The following KCNK17 variants were observed in gnomAD, a reference collection of about 807,000 sequenced individuals.
KCNK17 encodes potassium channel subfamily K member 17.
Under a neutral mutation model 24.6 loss-of-function variants are expected in KCNK17, and 27 were observed. The ratio of observed to expected loss-of-function variants is 1.10; its 90% CI spans 0.81 to 1.51. KCNK17 has a LOEUF of 1.51. KCNK17 is among the 40% of genes most tolerant of loss of function. The probability of loss-of-function intolerance (pLI) is 0.00; values close to 1 mark genes in which losing one functional copy is unlikely to be tolerated. For synonymous variants in KCNK17, 181 were observed against 189.8 expected (o/e 0.95, Z 0.38); for missense variants, 450 against 436.6 (o/e 1.03, Z -0.27).
At chr6:39,306,768 T>G (rs1045452568) in intron 2 of KCNK17, among the ~76,000 whole-genome samples, 1 of 75,598 alleles carries the variant, frequency 1.3e-5, no homozygotes, top group African/African-American at 1.0e-4. Context: ...CTTTCTTTGT[T>G]TTTTTTTTTT....
chr6:39,310,581 G>A (rs1762115961), intron 2 of KCNK17, among the ~76,000 whole-genome samples: 1 of 152,118 alleles, frequency 6.6e-6, no homozygotes, highest in African/African-American at 2.4e-5. Flanking sequence ...CCAGAGACAT[G>A]TTTCTTGCTG....
chr6:39,299,282 T>A lies in KCNK17; in HGVS notation c.*145A>T, dbSNP rs1761901183. 1 of 644,902 alleles carries A rather than the reference T, an allele frequency of 1.6e-6. No homozygotes were observed. Among genetic ancestry groups the A allele is most frequent in the Non-Finnish European group, 2.7e-6 (1 of 374,696 alleles). The allele number at this position is 644,902 out of a possible 1,614,324, so 39.9% of individuals were successfully genotyped here. ...ATGTCACCCAGGACATGTCTCTGTATACCCTATTGGGCAGAATTAATCATA... is the reference window on the plus strand; with the variant it reads ...ATGTCACCCAGGACATGTCTCTGTAAACCCTATTGGGCAGAATTAATCATA... On this transcript the variant is annotated 3_prime_UTR_variant, in exon 5 of 5. Transcript: ENST00000373231.
At chr6:39,303,912 A>T (rs200551328) in intron 4 of KCNK17, 45 bp downstream of exon 4, 82 of 1,593,736 alleles carry the variant, frequency 5.1e-5, no homozygotes, top group Non-Finnish European at 6.3e-5. Context: ...TGAGAGGTAT[A>T]GGCAGCCGAA....
intron 4 of KCNK17, chr6:39,300,560 T>A (rs1295478191): frequency 6.5e-7 from 1 of 1,544,886 alleles, no homozygotes; most frequent in Non-Finnish European, 8.8e-7. Context: ...AATGGAACCA[T>A]AAGAATATGT....
At chr6:39,311,061 T>C (rs1762126558) in intron 1 of KCNK17, 54 bp from the exon 2 acceptor site, 3 of 897,076 alleles carry the variant, frequency 3.3e-6, no homozygotes, top group Non-Finnish European at 5.4e-6. Context: ...GGATTTCCTG[T>C]ACCCCAAGAT....
chr6:39,303,677 A>G (rs1403916329), intron 4 of KCNK17, among the ~76,000 whole-genome samples: 1 of 152,164 alleles, frequency 6.6e-6, no homozygotes, highest in East Asian at 1.9e-4. Context: ...TGGGGCAAGC[A>G]TGGACCCCGG....
intron 1 of KCNK17, among the ~76,000 whole-genome samples, chr6:39,312,166 G>C (rs985902870): frequency 1.3e-5 from 2 of 152,210 alleles, no homozygotes; most frequent in Non-Finnish European, 2.9e-5. Context: ...TGTTGCAGAG[G>C]ATTGTGAGGG....
At chr6:39,303,816 G>T in intron 4 of KCNK17, 141 bp downstream of exon 4, 1 of 921,350 alleles carries the variant, frequency 1.1e-6, no homozygotes, top group Non-Finnish European at 1.7e-6. Flanking sequence ...AACAAAAGCG[G>T]GTAGGACAGT....
intron 4 of KCNK17, among the ~76,000 whole-genome samples, chr6:39,303,704 C>G (rs1208318738): frequency 6.6e-6 from 1 of 152,128 alleles, no homozygotes; most frequent in Non-Finnish European, 1.5e-5. Flanking sequence ...GCGGGGACTC[C>G]CGTCATGTGG....
chr6:39,303,349 G>A (rs929966152), intron 4 of KCNK17, among the ~76,000 whole-genome samples: 7 of 152,198 alleles, frequency 4.6e-5, no homozygotes, highest in Admixed American at 4.6e-4. Context: ...GGCACAGAAT[G>A]TCCCTCCACT....
chr6:39,307,953 CT>C (rs747022564), intron 2 of KCNK17, among the ~76,000 whole-genome samples: 40 of 152,210 alleles, frequency 2.6e-4, no homozygotes, highest in Non-Finnish European at 4.6e-4. Flanking sequence ...GGATTCTCTC[CT>C]CAGATATCAT....
intron 1 of KCNK17, among the ~76,000 whole-genome samples, chr6:39,313,029 G>C (rs1326636135): frequency 6.6e-6 from 1 of 152,186 alleles, no homozygotes; most frequent in African/African-American, 2.4e-5. Context: ...GCTTTGGACT[G>C]GAGACTCTGG....
intron 4 of KCNK17, among the ~76,000 whole-genome samples, chr6:39,303,022 T>A (rs1352963741): frequency 6.6e-6 from 1 of 152,208 alleles, no homozygotes; most frequent in East Asian, 1.9e-4. Flanking sequence ...AGATCAGGAT[T>A]CACATCTTAC....
At position 39,299,587 on chromosome 6, in the gene KCNK17, C is replaced by G. The variant is rs1363362461; in HGVS notation, c.839G>C (p.Ser280Thr). The G allele has an allele frequency of 1.2e-6, 2 of 1,614,146 alleles. No individual in the cohort carries two copies. The highest frequency in any genetic ancestry group is 1.7e-6 in the Non-Finnish European group (2 of 1,180,026). The change falls in exon 5 of 5, where the codon AGC becomes ACC. Residue 280 changes from serine (S) to threonine (T), a missense_variant. By Grantham distance (58) the Ser-to-Thr change is moderately conservative (BLOSUM62 1). Transcript: ENST00000373231. ...PGRVCSCCHH[S>T]SKEDFKSQSW... is the part of the protein sequence containing the mutation. ...TTGGGACTTGAAGTCTTCCTTAGAG[C>G]TGTGGTGGCAGCAGGAACATACCCT...
intron 1 of KCNK17, among the ~76,000 whole-genome samples, chr6:39,312,813 G>T (rs1762165015): frequency 6.6e-6 from 1 of 152,190 alleles, no homozygotes; most frequent in Non-Finnish European, 1.5e-5. Flanking sequence ...CTCAGCACCA[G>T]GACCCAGCAG....
intron 2 of KCNK17, among the ~76,000 whole-genome samples, chr6:39,305,599 C>T (rs1314934069): frequency 6.6e-6 from 1 of 152,220 alleles, no homozygotes; most frequent in African/African-American, 2.4e-5. Context: ...TCTCCTCCAG[C>T]TCTGCCTCCA....
intron 2 of KCNK17, among the ~76,000 whole-genome samples, chr6:39,307,847 C>T (rs1762061319): frequency 6.6e-6 from 1 of 152,204 alleles, no homozygotes; most frequent in Non-Finnish European, 1.5e-5. Context: ...AATGCAGCTC[C>T]TGTTTCCAAC....
rs1343079558 is a variant in KCNK17, at chr6:39,299,203, G to T, written c.*224C>A. ...ATCGGCGGCATTGCAGCCCGCTAAA[G>T]TAAGGAAGTGGGGGAGAAGGGCATG... On this transcript the variant is annotated 3_prime_UTR_variant, in exon 5 of 5. Transcript: ENST00000373231. 7 of 543,734 alleles carry T rather than the reference G, an allele frequency of 1.3e-5. No homozygotes were observed. The highest frequency in any genetic ancestry group is 2.0e-5 in the Non-Finnish European group (6 of 306,506). 33.7% of individuals were successfully genotyped at this position (543,734 alleles called of 1,614,324 possible).
intron 2 of KCNK17, among the ~76,000 whole-genome samples, chr6:39,310,435 A>T (rs894099211): frequency 6.6e-6 from 1 of 151,734 alleles, no homozygotes; most frequent in Admixed American, 6.5e-5. Flanking sequence ...GGGCTGAGAA[A>T]CGGGGGGTCT....
Sources: allele counts gnomAD v4.1 joint callset (sites outside exome capture counted in the v4.1 genomes callset), GRCh38; gene constraint gnomAD v4.1.1; transcripts MANE v1.5; gene names NCBI Gene and HGNC (gene_info 2026-07-23, HGNC 2026-07-21).